The following AKAP9 variants were observed in gnomAD, a reference collection of about 807,000 sequenced individuals.
The protein encoded by AKAP9 is A-kinase anchor protein 9.
In AKAP9, 311 loss-of-function variants were observed where a neutral mutation model predicts 488.5. That is an observed-to-expected ratio of 0.64 (90% confidence interval 0.58 to 0.70). The LOEUF (loss-of-function observed/expected upper bound fraction) is 0.70. AKAP9 is among the 30% of genes least tolerant of loss of function. AKAP9 has a pLI of 0.00. For synonymous variants in AKAP9, 1,462 were observed against 1,483.5 expected, an observed-to-expected ratio of 0.99 and a Z score of 0.33; for missense variants, 4,215 against 4,374.5, an observed-to-expected ratio of 0.96 and a Z score of 1.03.
Position 92,077,663 on chromosome 7 carries a change from A to C in AKAP9, c.6766-33A>C, listed in dbSNP as rs770663022. 3 of 1,578,130 alleles carry C rather than the reference A, an allele frequency of 1.9e-6. No individual in the cohort carries two copies. The Admixed American group carries it at 5.0e-5, about 26-fold the overall frequency. ...TGTTCTGAAAATGATAGGTAATGAT[A>C]TATCCAACTGTGATAATTATTTTTG... On this transcript the variant is annotated intron_variant, in intron 29 of 49. Transcript: ENST00000356239.
intron 29 of AKAP9, 61 bp downstream of exon 29, chr7:92,077,068 T>G: frequency 2.5e-6 from 1 of 392,284 alleles, no homozygotes; most frequent in Non-Finnish European, 3.5e-6. Context: ...CTATATTGCT[T>G]TATTATTATT....
At chr7:92,063,592 C>T in intron 24 of AKAP9, 1 of 642,722 alleles carries the variant, frequency 1.6e-6, no homozygotes, top group Non-Finnish European at 1.9e-6. Context: ...ACTAACATCT[C>T]TAGTTTTGCA....
At chr7:92,012,812 A>G (rs1343794686) in intron 9 of AKAP9, among the ~76,000 whole-genome samples, 170 bp downstream of exon 9, 2 of 152,036 alleles carry the variant, frequency 1.3e-5, no homozygotes, top group Non-Finnish European at 2.9e-5. Context: ...AGCTAAAATC[A>G]TTTTCCCATA....
At position 91,973,711 on chromosome 7, in the gene AKAP9, C is replaced by T; in HGVS notation, c.49C>T (p.Leu17Phe). ...TAACGGTTATTTTCTTTTTTCTTAG[C>T]TTGCCCAGTTTCGACAAAGAAAAGC... Reference protein sequence around the residue: ...QKKLEAGKAKLAQFRQRKAQS... With the variant: ...QKKLEAGKAKFAQFRQRKAQS... Residue 17 changes from leucine to phenylalanine, a missense_variant and splice_region_variant, in exon 2 of 50, where the codon CTT (leucine) becomes TTT (phenylalanine). Physicochemically the swap from Leu to Phe is conservative, Grantham distance 22. This residue lies in a region of AKAP9 where 2,361 missense variants were observed against 2,430.0 expected (regional missense o/e 0.97). Coordinates refer to ENST00000356239, the MANE Select transcript of AKAP9 (RefSeq NM_005751.5). 1 of 1,613,478 alleles carries T rather than the reference C, an allele frequency of 6.2e-7. No homozygotes were observed. Among genetic ancestry groups the T allele is most frequent in the South Asian group, 1.1e-5 (1 of 91,002 alleles).
chr7:91,993,936 A>G (rs926032619), intron 5 of AKAP9, among the ~76,000 whole-genome samples: 1 of 152,168 alleles, frequency 6.6e-6, no homozygotes, highest in East Asian at 1.9e-4. Context: ...TGAGACTGGC[A>G]GGGTGAAAAT....
In AKAP9 at chr7:92,012,601, T is replaced by G. The variant is rs1800906232; in HGVS notation, c.3491T>G (p.Ile1164Arg). 6.2e-7 allele frequency: 1 copy of G among 1,613,468 alleles called. No individual in the cohort carries two copies. The highest frequency in any genetic ancestry group is 2.2e-5 in the East Asian group (1 of 44,814). Residue 1164 changes from isoleucine to arginine, a missense_variant, in exon 9 of 50, where the codon ATA becomes AGA. Physicochemically the swap from Ile to Arg is moderately conservative, Grantham distance 97. This residue lies in a region of AKAP9 where 2,361 missense variants were observed against 2,430.0 expected (regional missense o/e 0.97). Coordinates refer to ENST00000356239, the MANE Select transcript of AKAP9 (RefSeq NM_005751.5). ...GAAAAGATCAAGGAACTTCAGAAAA[T>G]ACACCAGTTAGAACTACAGACTATG... ...QEEKIKELQK[I>R]HQLELQTMKT...
chr7:92,061,619 T>TATATATATATATATAA (rs1487744272), intron 23 of AKAP9, among the ~76,000 whole-genome samples, 197 bp downstream of exon 23: 1 of 138,940 alleles, frequency 7.2e-6, no homozygotes, highest in Non-Finnish European at 1.5e-5. Context: ...TATATATATA[T>TATATATATATATATAA]AAAATTATAA....
intron 24 of AKAP9, 69 bp from the exon 25 acceptor site, chr7:92,065,162 A>G (rs1810566113): frequency 9.5e-7 from 1 of 1,048,668 alleles, no homozygotes; most frequent in Admixed American, 2.3e-5. Flanking sequence ...GGACATAGTT[A>G]TCAGGGATTT....
intron 10 of AKAP9, among the ~76,000 whole-genome samples, chr7:92,015,258 A>G (rs1249196745): frequency 1.3e-5 from 2 of 152,186 alleles, no homozygotes; most frequent in Non-Finnish European, 2.9e-5. Context: ...GTTTTAAATG[A>G]TGATAGAAGT....
Position 92,071,001 on chromosome 7 carries a change from GA to G in AKAP9, c.6609del (p.Glu2204ArgfsTer5), listed in dbSNP as rs1245389532. ...QAERDAIDRK[E>X]KEITNLEEQL... is the part of the protein sequence containing the mutation. Reference sequence around the variant, plus strand: ...TGAACGAGATGCCATAGACAGAAAGGAAAAAGAGGTAAGGAGTTTATTTTTA... The same window carrying G: ...TGAACGAGATGCCATAGACAGAAAGGAAAAGAGGTAAGGAGTTTATTTTTA... On this transcript the variant is annotated frameshift_variant, in exon 28 of 50. Coordinates refer to ENST00000356239, the MANE Select transcript of AKAP9 (RefSeq NM_005751.5). LOFTEE classifies it high-confidence loss of function. 1.9e-6 allele frequency: 3 copies of G among 1,610,558 alleles called. No individual in the cohort carries two copies. Among genetic ancestry groups the G allele is most frequent in the Non-Finnish European group, 2.5e-6 (3 of 1,176,848 alleles).
rs1805591510 is a variant in AKAP9, at chr7:92,038,835, A to C, written c.4692+63A>C. On this transcript the variant is annotated intron_variant, in intron 17 of 49. Coordinates refer to ENST00000356239, the MANE Select transcript of AKAP9 (RefSeq NM_005751.5). ...AAATTGTGAATTCTTTCACTTTAAA[A>C]ATATTAGCAATAGTGCTGCTTAATG... 10 of 1,078,918 alleles carry C rather than the reference A, an allele frequency of 9.3e-6. No individual in the cohort carries two copies. The South Asian group carries it at 1.4e-4, about 15-fold the overall frequency. The allele number at this position is 1,078,918 out of a possible 1,614,324, so 66.8% of individuals were successfully genotyped here.
rs768278134 is a variant in AKAP9, at chr7:92,079,125, T to C, written c.6992T>C (p.Ile2331Thr). The change falls in exon 31 of 50, where the codon ATA (isoleucine) becomes ACA (threonine). Residue 2331 changes from isoleucine (I) to threonine (T), a missense_variant. Coordinates refer to ENST00000356239, the MANE Select transcript of AKAP9 (RefSeq NM_005751.5). The stretch of plus-strand genomic sequence containing the variant: ...CTGATAAGGGATCTTGAAACCCAAA[T>C]AGAATGTTTGATGAGTGATCAAGAA... Reference protein sequence around the residue: ...NELIRDLETQIECLMSDQECV... With the variant: ...NELIRDLETQTECLMSDQECV... 1 of 1,613,136 alleles carries C rather than the reference T, an allele frequency of 6.2e-7. No homozygotes were observed. Among genetic ancestry groups the C allele is most frequent in the East Asian group, 2.2e-5 (1 of 44,792 alleles).
At chr7:92,040,956 T>C in intron 18 of AKAP9, 58 bp downstream of exon 18, 1 of 1,394,164 alleles carries the variant, frequency 7.2e-7, no homozygotes, top group Non-Finnish European at 9.9e-7. Context: ...AAACACCAAC[T>C]TGAACCAGAT....
Position 91,973,793 on chromosome 7 carries a change from G to T in AKAP9, c.131G>T (p.Ser44Ile). 6.2e-7 allele frequency: 1 copy of T among 1,614,018 alleles called. No individual in the cohort carries two copies. The highest frequency in any genetic ancestry group is 1.1e-5 in the South Asian group (1 of 91,062). ...CAGAAAAAAAAGAGAAAAACGTCAA[G>T]CAGTAAACATGATGTGTCAGCACAC... ...KKQKKKRKTS[S>I]SKHDVSAHHD... is the part of the protein sequence containing the mutation. The change falls in exon 2 of 50, where the codon AGC (serine) becomes ATC (isoleucine). Residue 44 changes from serine (S) to isoleucine (I), a missense_variant. Ser to Ile is a moderately radical substitution (Grantham distance 142, BLOSUM62 -2). This residue lies in a region of AKAP9 where 2,361 missense variants were observed against 2,430.0 expected (regional missense o/e 0.97). Transcript: ENST00000356239.
chr7:92,034,554 T>A (rs867818889), intron 16 of AKAP9, among the ~76,000 whole-genome samples: 1 of 139,854 alleles, frequency 7.2e-6, no homozygotes, highest in East Asian at 2.1e-4. Flanking sequence ...CAGGCTGGAG[T>A]GCAGTGGCAC....
intron 2 of AKAP9, among the ~76,000 whole-genome samples, chr7:91,975,015 T>A (rs2130567333): frequency 6.6e-6 from 1 of 152,084 alleles, no homozygotes; most frequent in South Asian, 2.1e-4. Context: ...CACACCTGGT[T>A]AATGTTTTGT....
chr7:91,951,172 A>T (rs1180973564), intron 1 of AKAP9, among the ~76,000 whole-genome samples: 1 of 152,012 alleles, frequency 6.6e-6, no homozygotes, highest in African/African-American at 2.4e-5. Context: ...AGGCAATTTT[A>T]ATAAGCCTCA....
intron 24 of AKAP9, among the ~76,000 whole-genome samples, chr7:92,065,023 T>A (rs1810544874): frequency 6.6e-6 from 1 of 152,024 alleles, no homozygotes; most frequent in South Asian, 2.1e-4. Context: ...TAATTCTGTA[T>A]AATTTTATTA....
Position 92,065,420 on chromosome 7 carries a change from A to C in AKAP9, c.6167A>C (p.Gln2056Pro). 1 of 1,612,828 alleles carries C rather than the reference A, an allele frequency of 6.2e-7. No homozygotes were observed. Among genetic ancestry groups the C allele is most frequent in the South Asian group, 1.1e-5 (1 of 90,884 alleles). The change falls in exon 25 of 50, where the codon CAA becomes CCA. Residue 2056 changes from glutamine to proline, a missense_variant. Physicochemically the swap from Gln to Pro is moderately conservative, Grantham distance 76. Transcript: ENST00000356239. Reference protein sequence around the residue: ...TELMDLRQQNQALEKQLEKMR... With the variant: ...TELMDLRQQNPALEKQLEKMR... ...CTAATGGATTTAAGACAGCAAAACC[A>C]AGCATTGGAAAAGCAGTTAGAAAAA...
Sources: gnomAD v4.1 joint callset for allele counts (sites outside exome capture counted in the v4.1 genomes callset) on GRCh38, gnomAD v4.1.1 for gene constraint, gnomAD v4.1.1 regional missense constraint, MANE v1.5 for transcripts, NCBI Gene and HGNC (gene_info 2026-07-23, HGNC 2026-07-21) for gene names.